PRDM5: variants seen among roughly 807,000 people sequenced by gnomAD.
PRDM5 encodes PR domain zinc finger protein 5.
A neutral mutation model predicts 81.2 loss-of-function variants in PRDM5; 56 were observed. The observed-to-expected ratio is 0.69, with a 90% CI of 0.56 to 0.86. PRDM5 has a LOEUF of 0.86. PRDM5 is among the 40% of genes least tolerant of loss of function. The pLI, the probability that PRDM5 is intolerant of heterozygous loss-of-function variation, is 0.00. For missense variants in PRDM5, 697 were observed against 770.1 expected (o/e 0.91, Z 1.12); for synonymous variants, 267 against 256.4 (o/e 1.04, Z -0.39).
At chr4:120,890,972 T>C (rs1309989305) in intron 2 of PRDM5, among the ~76,000 whole-genome samples, 2 of 152,226 alleles carry the variant, frequency 1.3e-5, no homozygotes. Context: ...AGCTCTTTAG[T>C]TTCACTAGGC....
At chr4:120,703,420 G>A (rs138934697) in intron 15 of PRDM5, among the ~76,000 whole-genome samples, 46 of 152,182 alleles carry the variant, frequency 3.0e-4, no homozygotes, top group African/African-American at 1.1e-3. Flanking sequence ...GAACTCCTGG[G>A]CTTAAACGAT....
intron 2 of PRDM5, among the ~76,000 whole-genome samples, chr4:120,875,410 G>C (rs1762245405): frequency 1.3e-5 from 2 of 152,174 alleles, no homozygotes; most frequent in African/African-American, 4.8e-5. Flanking sequence ...GTGTACAGGA[G>C]GGGAGTTTAT....
At chr4:120,781,068 A>G (rs990139475) in intron 12 of PRDM5, 75 bp downstream of exon 12, 29 of 1,235,896 alleles carry the variant, frequency 2.3e-5, no homozygotes, top group Non-Finnish European at 3.0e-5. Context: ...TATAATTATC[A>G]CATGTTAGTT....
intron 13 of PRDM5, among the ~76,000 whole-genome samples, chr4:120,756,349 C>T (rs891720989): frequency 2.0e-5 from 3 of 152,112 alleles, no homozygotes; most frequent in African/African-American, 7.2e-5. Flanking sequence ...AAATCCTGTC[C>T]TGATTAGTTG....
At position 120,706,197 on chromosome 4, in the gene PRDM5, C is replaced by T. The variant is rs544972860; in HGVS notation, c.1728+4112G>A. On this transcript the variant is annotated intron_variant, in intron 15 of 15. Coordinates refer to ENST00000264808, the MANE Select transcript of PRDM5 (RefSeq NM_018699.4). Reference sequence around the variant, plus strand: ...ACCTTAAACTCTAGAATCTTGACTGCTGTGAACTGCAGGCAAGTCACTCAA... The same window carrying T: ...ACCTTAAACTCTAGAATCTTGACTGTTGTGAACTGCAGGCAAGTCACTCAA... 2.5e-4 allele frequency among the ~76,000 whole-genome samples: 38 copies of T among 151,390 alleles called. No individual in the cohort carries two copies. The East Asian group carries it at 7.0e-3, about 28-fold the overall frequency.
rs146544206 is a variant in PRDM5 at position 120,827,410 on chromosome 4, C to T, written c.301-6065G>A. Among the ~76,000 whole-genome samples, 229 of 152,126 alleles carry T rather than the reference C, an allele frequency of 1.5e-3. 2 individuals are homozygous for T. The highest frequency in any genetic ancestry group is 5.2e-3 in the African/African-American group (216 of 41,508). ...TTCAGCAGAAAAGTCAGAGGTAGTG[C>T]CATGTGGTGTGGCCATTACAGAGCA... On this transcript the variant is annotated intron_variant, in intron 3 of 15. Coordinates refer to ENST00000264808, the MANE Select transcript of PRDM5 (RefSeq NM_018699.4).
chr4:120,694,313 T>G lies in PRDM5; in HGVS notation c.*798A>C, dbSNP rs1195598560. On this transcript the variant is annotated 3_prime_UTR_variant, in exon 16 of 16. Coordinates refer to ENST00000264808, the MANE Select transcript of PRDM5 (RefSeq NM_018699.4). ...TATATATTGGTATACTGTTAATTTC[T>G]AAAGCTAAATGGTCTAAATTCAAGA... is the stretch of plus-strand genomic sequence containing the variant. The G allele has an allele frequency of 1.3e-5, 2 of 152,140 alleles. No individual in the cohort carries two copies. The highest frequency in any genetic ancestry group is 2.4e-5 in the African/African-American group (1 of 41,440). 9.4% of individuals were successfully genotyped at this position (152,140 alleles called of 1,614,324 possible).
chr4:120,801,825 T>C (rs1043668789), intron 8 of PRDM5, among the ~76,000 whole-genome samples: 3 of 152,186 alleles, frequency 2.0e-5, no homozygotes, highest in African/African-American at 7.2e-5. Context: ...ATTTGTAATG[T>C]TTATATAAAG....
chr4:120,867,418 A>G (rs1761312634), intron 2 of PRDM5, among the ~76,000 whole-genome samples: 1 of 152,220 alleles, frequency 6.6e-6, no homozygotes, highest in Non-Finnish European at 1.5e-5. Flanking sequence ...AGTTTTCTCC[A>G]AATCTTAAGG....
At chr4:120,918,950 C>A (rs1425336337) in intron 1 of PRDM5, among the ~76,000 whole-genome samples, 1 of 152,200 alleles carries the variant, frequency 6.6e-6, no homozygotes, top group Non-Finnish European at 1.5e-5. Flanking sequence ...TTGCAGCCTG[C>A]CAAGTGGCCA....
intron 10 of PRDM5, among the ~76,000 whole-genome samples, chr4:120,794,243 G>C (rs1370782547): frequency 6.6e-6 from 1 of 152,146 alleles, no homozygotes; most frequent in Non-Finnish European, 1.5e-5. Context: ...TGATGCAAAA[G>C]CTAAAGGAAA....
chr4:120,780,018 A>C (rs1316605674), intron 12 of PRDM5, among the ~76,000 whole-genome samples: 1 of 152,122 alleles, frequency 6.6e-6, no homozygotes, highest in Admixed American at 6.6e-5. Flanking sequence ...ACAGGAAAAG[A>C]AAGTTACTCA....
intron 14 of PRDM5, among the ~76,000 whole-genome samples, chr4:120,736,012 T>A (rs1213615181): frequency 6.6e-6 from 1 of 151,180 alleles, no homozygotes; most frequent in Non-Finnish European, 1.5e-5. Flanking sequence ...CTCCTCACCC[T>A]CTGAGTCTCC....
Position 120,921,568 on chromosome 4 carries a change from C to G in PRDM5, c.93+948G>C, listed in dbSNP as rs565320786. Among the ~76,000 whole-genome samples the G allele has an allele frequency of 2.6e-5, 4 of 152,300 alleles. No homozygotes were observed. In the South Asian group the frequency reaches 8.3e-4, roughly 32 times the overall value. On this transcript the variant is annotated intron_variant, in intron 1 of 15. Coordinates refer to ENST00000264808, the MANE Select transcript of PRDM5 (RefSeq NM_018699.4). ...CACCCTAGTGTCTCTACTGCATCCT[C>G]TGAACCTCTTGTTAACATACCTTAC...
chr4:120,868,950 G>C (rs1268035123), intron 2 of PRDM5, among the ~76,000 whole-genome samples: 1 of 152,066 alleles, frequency 6.6e-6, no homozygotes, highest in African/African-American at 2.4e-5. Flanking sequence ...GAAACAACTT[G>C]CAAGTCCTGG....
Position 120,692,985 on chromosome 4 carries a change from CTTGTT to C in PRDM5, c.*2121_*2125del. 1 of 152,134 alleles carries C rather than the reference CTTGTT, an allele frequency of 6.6e-6. No individual in the cohort carries two copies. The highest frequency in any genetic ancestry group is 2.4e-5 in the African/African-American group (1 of 41,518). 9.4% of individuals were successfully genotyped at this position (152,134 alleles called of 1,614,324 possible). A position where few individuals can be genotyped will look rare whatever the true frequency, so the allele number is the denominator to read the frequency against. ...CAGCATACAAATAGTCTACTAAGGA[CTTGTT>C]TTGGTTTCAGTCCTCTGAAAGGAGA... On this transcript the variant is annotated 3_prime_UTR_variant, in exon 16 of 16. Coordinates refer to ENST00000264808, the MANE Select transcript of PRDM5 (RefSeq NM_018699.4).
chr4:120,881,136 T>C (rs917825349), intron 2 of PRDM5, among the ~76,000 whole-genome samples: 13 of 152,182 alleles, frequency 8.5e-5, no homozygotes, highest in African/African-American at 3.1e-4. Context: ...GTTTTTCCCT[T>C]CCCTGGAGCT....
At chr4:120,761,719 G>A (rs546195504) in intron 13 of PRDM5, among the ~76,000 whole-genome samples, 2 of 152,124 alleles carry the variant, frequency 1.3e-5, no homozygotes, top group East Asian at 1.9e-4. Flanking sequence ...TACAATACAT[G>A]AAATTAATAA....
chr4:120,717,684 G>C (rs916265360), intron 14 of PRDM5, among the ~76,000 whole-genome samples: 1 of 152,156 alleles, frequency 6.6e-6, no homozygotes, highest in African/African-American at 2.4e-5. Context: ...GACCCCATCA[G>C]ACAGGCTACC....
Sources: allele counts gnomAD v4.1 joint callset (sites outside exome capture counted in the v4.1 genomes callset), GRCh38; gene constraint gnomAD v4.1.1; transcripts MANE v1.5; gene names NCBI Gene and HGNC (gene_info 2026-07-23, HGNC 2026-07-21).